The following MATCAP1 variants were observed in gnomAD, a reference collection of about 807,000 sequenced individuals.
MATCAP1 encodes the protein microtubule-associated tyrosine carboxypeptidase 1.
the MATCAP1 span, chr16:67,180,614 G>A: frequency 1.1e-5 from 17 of 1,507,984 alleles, no homozygotes; most frequent in Non-Finnish European, 1.3e-5. Context: ...GCACCATTCT[G>A]TCCTGGGGGT....
chr16:67,178,001 G>A, the MATCAP1 span: 91 of 1,611,020 alleles, frequency 5.6e-5, no homozygotes, highest in Non-Finnish European at 7.5e-5. Flanking sequence ...AAGGTCCACA[G>A]CCCCTCACCT....
chr16:67,178,767 G>A, the MATCAP1 span: 4 of 618,738 alleles, frequency 6.5e-6, no homozygotes, highest in African/African-American at 5.1e-5. Context: ...CTACACCCAC[G>A]CACCCACACA....
the MATCAP1 span, chr16:67,183,653 C>T: frequency 1.3e-5 from 2 of 153,214 alleles, no homozygotes; most frequent in Non-Finnish European, 2.9e-5. Context: ...GGAGAGAAGC[C>T]CCGGAGAGGA....
the MATCAP1 span, chr16:67,177,945 G>A: frequency 6.9e-7 from 1 of 1,439,002 alleles, no homozygotes; most frequent in Non-Finnish European, 9.8e-7. Flanking sequence ...CCAATCCGAG[G>A]CTCAGGGAAT....
the MATCAP1 span, chr16:67,178,888 C>T: frequency 4.3e-6 from 2 of 461,288 alleles, no homozygotes; most frequent in East Asian, 9.4e-5. Context: ...AACAGTCATG[C>T]TGATGCCCCC....
At chr16:67,182,034 T>C in the MATCAP1 span, among the ~76,000 whole-genome samples, 4 of 152,158 alleles carry the variant, frequency 2.6e-5, no homozygotes, top group Non-Finnish European at 5.9e-5. Context: ...GCGGATCACC[T>C]GAGGTCGGGA....
chr16:67,178,263 G>A, the MATCAP1 span: 2 of 1,567,646 alleles, frequency 1.3e-6, no homozygotes, highest in South Asian at 2.3e-5. Flanking sequence ...GCACATCGGC[G>A]TCCTGCACGT....
chr16:67,178,315 G>C, the MATCAP1 span: 1 of 1,582,258 alleles, frequency 6.3e-7, no homozygotes, highest in Non-Finnish European at 8.6e-7. Context: ...GGACATGCGC[G>C]CGGCGCGGTG....
the MATCAP1 span, chr16:67,178,547 G>A: frequency 3.4e-6 from 5 of 1,484,642 alleles, no homozygotes; most frequent in Non-Finnish European, 4.5e-6. Context: ...CGGGGCGTTC[G>A]GGGACCCGCC....
the MATCAP1 span, among the ~76,000 whole-genome samples, chr16:67,182,836 C>T: frequency 1.3e-5 from 2 of 152,102 alleles, no homozygotes; most frequent in Non-Finnish European, 2.9e-5. Flanking sequence ...CACTATCTCC[C>T]CTTCCCCAAA....
At chr16:67,177,036 C>T in the MATCAP1 span, 3 of 1,418,398 alleles carry the variant, frequency 2.1e-6, no homozygotes, top group Non-Finnish European at 2.8e-6. Flanking sequence ...GGTAGCTGGT[C>T]CCAGCCCACT....
chr16:67,178,021 A>C, the MATCAP1 span: 1 of 1,614,058 alleles, frequency 6.2e-7, no homozygotes, highest in Middle Eastern at 1.6e-4. Flanking sequence ...TTGCCCAGTG[A>C]GGTCAGCAAC....
chr16:67,180,010 G>T, the MATCAP1 span: 1 of 1,612,856 alleles, frequency 6.2e-7, no homozygotes, highest in East Asian at 2.2e-5. Flanking sequence ...GGGTGGTCAG[G>T]GCCAGGATAC....
the MATCAP1 span, chr16:67,179,276 G>A: frequency 1.3e-6 from 2 of 1,484,554 alleles, no homozygotes; most frequent in Non-Finnish European, 1.8e-6. This position sits in a 1 kb window ranked among gnomAD's most constrained non-coding sequence, Gnocchi z 5.2. Flanking sequence ...TAAGCAGAGG[G>A]CGGGAGGTGG....
the MATCAP1 span, among the ~76,000 whole-genome samples, chr16:67,180,986 CA>C: frequency 6.6e-6 from 1 of 152,212 alleles, no homozygotes; most frequent in Non-Finnish European, 1.5e-5. Context: ...CTCAGCCTCC[CA>C]AAGTGCTGGA....
the MATCAP1 span, chr16:67,177,025 A>T: frequency 6.9e-7 from 1 of 1,456,374 alleles, no homozygotes. Flanking sequence ...CCTGGCTTTC[A>T]GGTAGCTGGT....
the MATCAP1 span, chr16:67,176,757 G>A: frequency 6.8e-7 from 1 of 1,465,784 alleles, no homozygotes; most frequent in Non-Finnish European, 9.1e-7. The surrounding 1 kb of genome is among the most constrained non-coding windows in gnomAD (Gnocchi z 4.3). Context: ...TCATGTTCTA[G>A]GGGCCTATCT....
chr16:67,178,894 C>T, the MATCAP1 span: 2 of 447,186 alleles, frequency 4.5e-6, no homozygotes, highest in African/African-American at 2.4e-5. Context: ...CATGCTGATG[C>T]CCCCGGTAAA....
chr16:67,177,405 G>A, the MATCAP1 span, among the ~76,000 whole-genome samples: 1 of 152,152 alleles, frequency 6.6e-6, no homozygotes, highest in African/African-American at 2.4e-5. Flanking sequence ...TCCCATCAGG[G>A]TAGCCGCTGA....
Sources: gnomAD v4.1 joint callset for allele counts (sites outside exome capture counted in the v4.1 genomes callset) on GRCh38, gnomAD v4.1.1 for gene constraint, Gnocchi (gnomAD v3.1) non-coding constraint, MANE v1.5 for transcripts, NCBI Gene and HGNC (gene_info 2026-07-23, HGNC 2026-07-21) for gene names.